The following NEFH variants were observed in gnomAD, a reference collection of about 807,000 sequenced individuals.
NEFH encodes neurofilament heavy polypeptide.
In NEFH, 58 loss-of-function variants were observed where a neutral mutation model predicts 56.6. The observed-to-expected ratio is 1.03, with a 90% CI of 0.83 to 1.28. NEFH has a LOEUF of 1.28. Ranked by LOEUF, NEFH falls within the 50% of genes most tolerant of loss-of-function variation. The pLI, the probability that NEFH is intolerant of heterozygous loss-of-function variation, is 0.00. For missense variants in NEFH, 1,221 were observed against 1,307.6 expected (o/e 0.93, Z 1.02); for synonymous variants, 542 against 545.8 (o/e 0.99, Z 0.10).
At position 29,489,127 on chromosome 22, in the gene NEFH, G is replaced by A; in HGVS notation, c.1487G>A (p.Gly496Glu). The change falls in exon 4 of 4, where the codon GGG becomes GAG. Residue 496 changes from glycine to glutamate, a missense_variant. Gly to Glu is a moderately conservative substitution (Grantham distance 98). Transcript: ENST00000310624. Reference protein sequence around the residue: ...EEGGEEEEAEGGEEETKSPPA... With the variant: ...EEGGEEEEAEEGEEETKSPPA... ...GGGGGTGAAGAAGAGGAGGCAGAAG[G>A]GGGAGAAGAAGAAACAAAGTCTCCC... 2 of 1,613,418 alleles carry A rather than the reference G, an allele frequency of 1.2e-6. No individual in the cohort carries two copies. The highest frequency in any genetic ancestry group is 1.7e-6 in the Non-Finnish European group (2 of 1,179,720).
intron 2 of NEFH, 36 bp from the exon 3 acceptor site, chr22:29,485,683 CACTG>C: frequency 6.2e-7 from 1 of 1,605,174 alleles, no homozygotes. Flanking sequence ...GAGGGCCAGA[CACTG>C]GCTGGCATGT....
rs1289471215 is a variant in NEFH, at chr22:29,489,220, C to T, written c.1580C>T (p.Pro527Leu). 1.3e-5 allele frequency: 21 copies of T among 1,614,034 alleles called. No homozygotes were observed. Among genetic ancestry groups the T allele is most frequent in the African/African-American group, 9.3e-5 (7 of 74,922 alleles). The change falls in exon 4 of 4, where the codon CCG (proline) becomes CTG (leucine). Residue 527 changes from proline (P) to leucine (L), a missense_variant. Physicochemically the swap from Pro to Leu is moderately conservative, Grantham distance 98. This residue lies in a region of NEFH where 243 missense variants were observed against 299.1 expected (regional missense o/e 0.81). Coordinates refer to ENST00000310624, the MANE Select transcript of NEFH (RefSeq NM_021076.4). ...KSPVKEEAKS[P>L]AEAKSPEKEE... ...CCAGTAAAGGAAGAGGCAAAGTCAC[C>T]GGCTGAGGCCAAGTCCCCAGAGAAG...
At position 29,481,598 on chromosome 22, in the gene NEFH, C is replaced by T. The variant is rs144739005; in HGVS notation, c.883+453C>T. Among the ~76,000 whole-genome samples the T allele has an allele frequency of 2.1e-3, 320 of 152,320 alleles. 2 individuals carry two copies. Among genetic ancestry groups the T allele is most frequent in the Middle Eastern group, 6.8e-3 (2 of 294 alleles). ...CCTACACCCCGCAAGAAACTCTATT[C>T]CTCTCACCCCTACCAGGCTCCTTCC... On this transcript the variant is annotated intron_variant, in intron 1 of 3. Coordinates refer to ENST00000310624, the MANE Select transcript of NEFH (RefSeq NM_021076.4).
At chr22:29,484,622 GGCGACAGA>G (rs879471864) in intron 2 of NEFH, among the ~76,000 whole-genome samples, 5 of 152,044 alleles carry the variant, frequency 3.3e-5, no homozygotes, top group Admixed American at 3.3e-4. Context: ...ACCCAGCCTG[GGCGACAGA>G]GCGACAGAGC....
intron 2 of NEFH, among the ~76,000 whole-genome samples, chr22:29,484,135 G>T (rs1276077323): frequency 6.6e-6 from 1 of 152,058 alleles, no homozygotes; most frequent in African/African-American, 2.4e-5. Flanking sequence ...CAGGTGTGAG[G>T]CACCGTGCCT....
At chr22:29,487,779 CACTT>C (rs362231) in intron 3 of NEFH, among the ~76,000 whole-genome samples, 23,232 of 152,190 alleles carry the variant, frequency 0.15, 1,911 homozygotes, top group South Asian at 0.17. Context: ...GTAACCCCCA[CACTT>C]ACTCTGAGAC....
In NEFH at chr22:29,480,349, C is replaced by T; in HGVS notation, c.87C>T (p.Ala29=). Residue 29 remains alanine (A), a synonymous_variant, in exon 1 of 4, where the codon GCC becomes GCT. Coordinates refer to ENST00000310624, the MANE Select transcript of NEFH (RefSeq NM_021076.4). ...GCGGCAGCCTCCACTACGCGCTAGC[C>T]CGAAAGGGTGGCGCAGGCGGGACGC... The part of the protein sequence containing the change: ...HGGGSLHYAL[A]RKGGAGGTRS... 6.5e-7 allele frequency: 1 copy of T among 1,534,222 alleles called. No individual in the cohort carries two copies. The highest frequency in any genetic ancestry group is 8.7e-7 in the Non-Finnish European group (1 of 1,148,374).
rs1238944081 is a variant in NEFH, at chr22:29,480,471, C to T, written c.209C>T (p.Ala70Val). The T allele has an allele frequency of 3.3e-6, 5 of 1,532,734 alleles. No homozygotes were observed. The highest frequency in any genetic ancestry group is 4.4e-6 in the Non-Finnish European group (5 of 1,146,086). 94.9% of individuals were successfully genotyped at this position (1,532,734 alleles called of 1,614,324 possible). A position where few individuals can be genotyped will look rare whatever the true frequency, so the allele number is the denominator to read the frequency against. ...CCCAGCCGCTTCCGTGGCGCAGGCG[C>T]CGCCTCAAGCACCGACTCGCTGGAC... ...ASPSRFRGAG[A>V]ASSTDSLDTL... Residue 70 changes from alanine (A) to valine (V), a missense_variant, in exon 1 of 4, where the codon GCC (alanine) becomes GTC (valine). Ala to Val is a moderately conservative substitution (Grantham distance 64). Around this residue, in one of 4 missense-constraint regions of NEFH, gnomAD observed 640 missense variants for 555.5 expected, o/e 1.15. Coordinates refer to ENST00000310624, the MANE Select transcript of NEFH (RefSeq NM_021076.4).
At position 29,480,247 on chromosome 22, in the gene NEFH, C is replaced by A. The variant is rs996402317; in HGVS notation, c.-16C>A. Reference sequence around the variant, plus strand: ...TGCCTCCCGCCCCGTCCCGGCCTCGCGCACCTGCTCAGGCCATGATGAGCT... The same window carrying A: ...TGCCTCCCGCCCCGTCCCGGCCTCGAGCACCTGCTCAGGCCATGATGAGCT... On this transcript the variant is annotated 5_prime_UTR_variant, in exon 1 of 4. Transcript: ENST00000310624. The A allele has an allele frequency of 6.0e-6, 9 of 1,497,854 alleles. No individual in the cohort carries two copies. The highest frequency in any genetic ancestry group is 1.5e-5 in the African/African-American group (1 of 68,482). The allele number at this position is 1,497,854 out of a possible 1,614,324, so 92.8% of individuals were successfully genotyped here. A position where few individuals can be genotyped will look rare whatever the true frequency, so the allele number is the denominator to read the frequency against.
Position 29,480,363 on chromosome 22 carries a change from C to T in NEFH, c.101C>T (p.Ala34Val). ...TACGCGCTAGCCCGAAAGGGTGGCGCAGGCGGGACGCGCTCCGCCGCTGGC... is the reference window on the plus strand; with the variant it reads ...TACGCGCTAGCCCGAAAGGGTGGCGTAGGCGGGACGCGCTCCGCCGCTGGC... Reference protein sequence around the residue: ...LHYALARKGGAGGTRSAAGSS... With the variant: ...LHYALARKGGVGGTRSAAGSS... Residue 34 changes from alanine to valine, a missense_variant, in exon 1 of 4, where the codon GCA becomes GTA. This residue lies in a region of NEFH where 640 missense variants were observed against 555.5 expected (regional missense o/e 1.15). Coordinates refer to ENST00000310624, the MANE Select transcript of NEFH (RefSeq NM_021076.4). The T allele has an allele frequency of 6.5e-7, 1 of 1,537,422 alleles. No individual in the cohort carries two copies. The highest frequency in any genetic ancestry group is 8.7e-7 in the Non-Finnish European group (1 of 1,149,290).
At position 29,480,470 on chromosome 22, in the gene NEFH, G is replaced by T. The variant is rs1419469599; in HGVS notation, c.208G>T (p.Ala70Ser). The stretch of plus-strand genomic sequence containing the variant: ...GCCCAGCCGCTTCCGTGGCGCAGGC[G>T]CCGCCTCAAGCACCGACTCGCTGGA... ...ASPSRFRGAGAASSTDSLDTL... is the reference protein window; with the variant it reads ...ASPSRFRGAGSASSTDSLDTL... Residue 70 changes from alanine to serine, a missense_variant, in exon 1 of 4, where the codon GCC becomes TCC. Transcript: ENST00000310624. 5 of 1,532,510 alleles carry T rather than the reference G, an allele frequency of 3.3e-6. No homozygotes were observed. Among genetic ancestry groups the T allele is most frequent in the Non-Finnish European group, 4.4e-6 (5 of 1,146,026 alleles). 94.9% of individuals were successfully genotyped at this position (1,532,510 alleles called of 1,614,324 possible).
intron 3 of NEFH, among the ~76,000 whole-genome samples, chr22:29,488,327 G>T (rs547447261): frequency 6.6e-6 from 1 of 152,036 alleles, no homozygotes; most frequent in Admixed American, 6.6e-5. Context: ...AGGTTGCAGT[G>T]AACTGAGATT....
chr22:29,484,855 G>A (rs1569196137), intron 2 of NEFH, among the ~76,000 whole-genome samples: 1 of 150,336 alleles, frequency 6.7e-6, no homozygotes, highest in Non-Finnish European at 1.5e-5. Context: ...TCTTTTTTGA[G>A]ACACAGTCTC....
In NEFH at chr22:29,489,396, T is replaced by A; in HGVS notation, c.1756T>A (p.Ser586Thr). 1.2e-6 allele frequency: 2 copies of A among 1,609,610 alleles called. No individual in the cohort carries two copies. Among genetic ancestry groups the A allele is most frequent in the Non-Finnish European group, 1.7e-6 (2 of 1,178,804 alleles). The change falls in exon 4 of 4, where the codon TCC becomes ACC. Residue 586 changes from serine (S) to threonine (T), a missense_variant. By Grantham distance (58) the Ser-to-Thr change is moderately conservative (BLOSUM62 1). Transcript: ENST00000310624. ...AEVKSPEKAK[S>T]PAKEEAKSPA... ...GGTCAAGTCCCCCGAGAAGGCCAAG[T>A]CCCCAGCAAAGGAAGAGGCAAAGTC...
Position 29,490,100 on chromosome 22 carries a change from G to A in NEFH, c.2460G>A (p.Val820=), listed in dbSNP as rs375135553. ...PEKEIPKKEE[V]KSPVKEEEKP... is the part of the protein sequence containing the mutation. Reference sequence around the variant, plus strand: ...AGGAGATCCCAAAAAAGGAAGAGGTGAAGTCCCCAGTGAAGGAGGAGGAGA... The same window carrying A: ...AGGAGATCCCAAAAAAGGAAGAGGTAAAGTCCCCAGTGAAGGAGGAGGAGA... The change falls in exon 4 of 4, where the codon GTG becomes GTA. Residue 820 remains valine, a synonymous_variant. Transcript: ENST00000310624. 18 of 1,612,210 alleles carry A rather than the reference G, an allele frequency of 1.1e-5. 1 individual carries two copies. The African/African-American group carries it at 1.9e-4, about 17-fold the overall frequency.
rs2063071866 is a variant in NEFH, at chr22:29,490,107, C to A, written c.2467C>A (p.Pro823Thr). 6.2e-7 allele frequency: 1 copy of A among 1,613,916 alleles called. No homozygotes were observed. Among genetic ancestry groups the A allele is most frequent in the East Asian group, 2.2e-5 (1 of 44,870 alleles). ...CCCAAAAAAGGAAGAGGTGAAGTCC[C>A]CAGTGAAGGAGGAGGAGAAGCCCCA... ...EIPKKEEVKS[P>T]VKEEEKPQEV... Residue 823 changes from proline (P) to threonine (T), a missense_variant, in exon 4 of 4, where the codon CCA becomes ACA. By Grantham distance (38) the Pro-to-Thr change is conservative. Coordinates refer to ENST00000310624, the MANE Select transcript of NEFH (RefSeq NM_021076.4).
chr22:29,489,483 C>T lies in NEFH; in HGVS notation c.1843C>T (p.Pro615Ser). 1 of 1,599,712 alleles carries T rather than the reference C, an allele frequency of 6.3e-7. No individual in the cohort carries two copies. Among genetic ancestry groups the T allele is most frequent in the Non-Finnish European group, 8.5e-7 (1 of 1,169,842 alleles). ...KSPVKEEAKS[P>S]AEAKSPVKEE... The stretch of plus-strand genomic sequence containing the variant: ...CCCAGTGAAGGAAGAAGCAAAGTCA[C>T]CGGCTGAGGCCAAGTCCCCAGTGAA... The change falls in exon 4 of 4, where the codon CCG becomes TCG. Residue 615 changes from proline to serine, a missense_variant. Physicochemically the swap from Pro to Ser is moderately conservative, Grantham distance 74. Coordinates refer to ENST00000310624, the MANE Select transcript of NEFH (RefSeq NM_021076.4).
In NEFH at chr22:29,483,584, G is replaced by A; in HGVS notation, c.1083+10G>A. 5 of 1,613,116 alleles carry A rather than the reference G, an allele frequency of 3.1e-6. No individual in the cohort carries two copies. Among genetic ancestry groups the A allele is most frequent in the Non-Finnish European group, 4.2e-6 (5 of 1,179,914 alleles). The stretch of plus-strand genomic sequence containing the variant: ...CATTGCCTCCTACCAGGTGGGCAGG[G>A]GCAAGGCAGACAGCCAGACTGCCTT... On this transcript the variant is annotated intron_variant, in intron 2 of 3. Transcript: ENST00000310624.
rs1339814379 is a variant in NEFH at position 29,480,648 on chromosome 22, C to T, written c.386C>T (p.Ala129Val). The change falls in exon 1 of 4, where the codon GCT becomes GTT. Residue 129 changes from alanine to valine, a missense_variant. Ala to Val is a moderately conservative substitution (Grantham distance 64, BLOSUM62 0). Transcript: ENST00000310624. ...CACAACCGCAGCCTGGAGGGCGAGG[C>T]TGCGGCGCTGCGGCAGCAGCAGGCG... ...EAHNRSLEGE[A>V]AALRQQQAGR... 3 of 1,555,556 alleles carry T rather than the reference C, an allele frequency of 1.9e-6. No individual in the cohort carries two copies. The East Asian group carries it at 7.0e-5, about 36-fold the overall frequency.
Sources: allele counts gnomAD v4.1 joint callset (sites outside exome capture counted in the v4.1 genomes callset), GRCh38; gene constraint gnomAD v4.1.1; regional missense constraint gnomAD v4.1.1; transcripts MANE v1.5; gene names NCBI Gene and HGNC (gene_info 2026-07-23, HGNC 2026-07-21).